Variants in RGS9 observed in about 807,000 individuals in gnomAD.
RGS9 encodes the protein regulator of G protein signaling 9.
In RGS9, 78 loss-of-function variants were observed where a neutral mutation model predicts 102.0. That is an observed-to-expected ratio of 0.76 (90% CI 0.64 to 0.92). The LOEUF is 0.92. RGS9 is among the 40% of genes least tolerant of loss of function. The pLI is 0.00. For synonymous variants in RGS9, 353 were observed against 318.6 expected, an observed-to-expected ratio of 1.11 and a Z score of -1.15; for missense variants, 833 against 866.1, an observed-to-expected ratio of 0.96 and a Z score of 0.48.
At chr17:65,223,752 C>CTTTTTTTTTTT (rs528795738) in intron 17 of RGS9, among the ~76,000 whole-genome samples, 1 of 137,592 alleles carries the variant, frequency 7.3e-6, no homozygotes, top group South Asian at 2.4e-4. Flanking sequence ...TCATGCCAGG[C>CTTTTTTTTTTT]TTTTTTTTTT....
At chr17:65,150,837 G>A (rs373181093) in intron 1 of RGS9, among the ~76,000 whole-genome samples, 3 of 152,170 alleles carry the variant, frequency 2.0e-5, no homozygotes, top group Admixed American at 1.3e-4. Flanking sequence ...CCTGGATGTC[G>A]AATGACCAGC....
At chr17:65,208,605 T>C (rs1913162801) in intron 16 of RGS9, among the ~76,000 whole-genome samples, 1 of 152,170 alleles carries the variant, frequency 6.6e-6, no homozygotes, top group Non-Finnish European at 1.5e-5. Context: ...GATTGAACTC[T>C]TTTCCGGGGG....
intron 1 of RGS9, among the ~76,000 whole-genome samples, chr17:65,140,741 G>T (rs1910124930): frequency 6.6e-6 from 1 of 152,142 alleles, no homozygotes; most frequent in Non-Finnish European, 1.5e-5. Context: ...AGGGCGTGGT[G>T]GTGAGCACCT....
intron 5 of RGS9, 35 bp downstream of exon 5, chr17:65,160,622 T>C (rs1460871398): frequency 6.2e-7 from 1 of 1,602,892 alleles, no homozygotes; most frequent in Non-Finnish European, 8.5e-7. Context: ...CCTTTGGTAG[T>C]GCTTAACATG....
At chr17:65,149,401 T>C (rs1418878789) in intron 1 of RGS9, among the ~76,000 whole-genome samples, 2 of 152,252 alleles carry the variant, frequency 1.3e-5, no homozygotes, top group Non-Finnish European at 2.9e-5. Flanking sequence ...TTCAGACTCC[T>C]AGCTTTCATA....
rs111916385 is a variant in RGS9, at chr17:65,186,483, G to A, written c.655-2803G>A. Among the ~76,000 whole-genome samples the A allele has an allele frequency of 8.9e-3, 1,357 of 152,242 alleles. 19 individuals carry two copies. The highest frequency in any genetic ancestry group is 0.031 in the African/African-American group (1,298 of 41,528). ...TTCCCAAAGAGCTGGGGTTACAGGC[G>A]TGAGCCACCGAACCCGGCCTTGTTT... On this transcript the variant is annotated intron_variant, in intron 9 of 18. Coordinates refer to ENST00000262406, the MANE Select transcript of RGS9 (RefSeq NM_003835.4).
At chr17:65,178,103 C>T (rs1226412369) in intron 9 of RGS9, among the ~76,000 whole-genome samples, 1 of 152,106 alleles carries the variant, frequency 6.6e-6, no homozygotes, top group East Asian at 1.9e-4. Context: ...CTTCGAAAAT[C>T]TGATGAAAGT....
intron 17 of RGS9, among the ~76,000 whole-genome samples, chr17:65,224,320 T>C (rs1905516676): frequency 6.6e-6 from 1 of 152,242 alleles, no homozygotes; most frequent in Non-Finnish European, 1.5e-5. Flanking sequence ...CTTTCTCCAC[T>C]GAACACCTCC....
At chr17:65,201,120 G>C (rs9911951) in intron 13 of RGS9, among the ~76,000 whole-genome samples, 21,316 of 137,750 alleles carry the variant, frequency 0.15, 3,087 homozygotes, top group African/African-American at 0.38. Flanking sequence ...CACACACACA[G>C]ACACACACAC....
intron 10 of RGS9, 80 bp from the exon 11 acceptor site, chr17:65,190,095 T>C (rs552960834): frequency 1.7e-6 from 2 of 1,154,286 alleles, no homozygotes; most frequent in South Asian, 2.4e-5. Context: ...GTAAATGGCT[T>C]CTGGGTTTGG....
chr17:65,205,847 G>A (rs1023844918), intron 15 of RGS9, among the ~76,000 whole-genome samples: 17 of 151,686 alleles, frequency 1.1e-4, no homozygotes, highest in African/African-American at 4.1e-4. Flanking sequence ...TGTGATATTG[G>A]TTATGTGATA....
chr17:65,215,323 G>A (rs1220028612), intron 17 of RGS9, among the ~76,000 whole-genome samples: 1 of 152,078 alleles, frequency 6.6e-6, no homozygotes, highest in Non-Finnish European at 1.5e-5. Flanking sequence ...CTAAGACAAG[G>A]GTGATGTTAA....
chr17:65,177,665 A>T, intron 8 of RGS9, 67 bp from the exon 9 acceptor site: 1 of 1,445,728 alleles, frequency 6.9e-7, no homozygotes, highest in East Asian at 2.3e-5. Flanking sequence ...ATTAACCAAG[A>T]CCCACAGTTA....
chr17:65,187,223 C>G (rs1055898455), intron 9 of RGS9, among the ~76,000 whole-genome samples: 5 of 152,172 alleles, frequency 3.3e-5, no homozygotes, highest in Admixed American at 2.6e-4. Flanking sequence ...TACTCTGCAT[C>G]GGACATTGTG....
chr17:65,147,337 T>A (rs1910403635), intron 1 of RGS9, among the ~76,000 whole-genome samples: 1 of 152,170 alleles, frequency 6.6e-6, no homozygotes, highest in African/African-American at 2.4e-5. Context: ...GCTGTGTACC[T>A]GCCCTTGGCC....
At chr17:65,166,298 AAG>A (rs2144009804) in intron 7 of RGS9, among the ~76,000 whole-genome samples, 2 of 152,342 alleles carry the variant, frequency 1.3e-5, no homozygotes, top group East Asian at 3.8e-4. Context: ...TGTCAATGGA[AAG>A]AGTGTCAAAG....
At chr17:65,208,723 C>T (rs548044918) in intron 16 of RGS9, among the ~76,000 whole-genome samples, 2 of 152,170 alleles carry the variant, frequency 1.3e-5, no homozygotes, top group Non-Finnish European at 2.9e-5. Context: ...TGTGTCCTGT[C>T]CCCCCCAAAG....
At position 65,173,213 on chromosome 17, in the gene RGS9, C is replaced by T. The variant is rs1413144921; in HGVS notation, c.583-4519C>T. ...CTGGGATTACAGGCATGAGCCACCG[C>T]GCCTGGCCTCATCTCTATTTCTTTC... On this transcript the variant is annotated intron_variant, in intron 8 of 18. Transcript: ENST00000262406. This position sits in a 1 kb window ranked among gnomAD's most constrained non-coding sequence, Gnocchi z 4.8. 7.9e-5 allele frequency among the ~76,000 whole-genome samples: 12 copies of T among 152,178 alleles called. No homozygotes were observed. Among genetic ancestry groups the T allele is most frequent in the Admixed American group, 5.9e-4 (9 of 15,304 alleles).
At chr17:65,197,551 C>T (rs78124204) in intron 13 of RGS9, among the ~76,000 whole-genome samples, 11,909 of 152,220 alleles carry the variant, frequency 0.078, 741 homozygotes, top group African/African-American at 0.17. Flanking sequence ...GAGGAGCCCC[C>T]GCTCCTTCTA....
Sources: gnomAD v4.1 joint callset for allele counts (sites outside exome capture counted in the v4.1 genomes callset) on GRCh38, gnomAD v4.1.1 for gene constraint, Gnocchi (gnomAD v3.1) non-coding constraint, MANE v1.5 for transcripts, NCBI Gene and HGNC (gene_info 2026-07-23, HGNC 2026-07-21) for gene names.